Variants in ASIC2 observed in about 807,000 individuals in gnomAD.
The protein encoded by ASIC2 is acid sensing ion channel subunit 2.
ASIC2 carries 25 observed loss-of-function variants against 57.3 expected under a neutral mutation model. The observed-to-expected ratio is 0.44, with a 90% CI of 0.32 to 0.61. The LOEUF (loss-of-function observed/expected upper bound fraction) is 0.61, where lower values mean the gene tolerates loss of function less well. Among genes scored for constraint, ASIC2 ranks in the 20% least tolerant of loss-of-function variants. ASIC2 has a pLI of 0.06. For missense variants in ASIC2, 641 were observed against 738.1 expected, an observed-to-expected ratio of 0.87 and a Z score of 1.52; for synonymous variants, 319 against 307.5, an observed-to-expected ratio of 1.04 and a Z score of -0.39.
chr17:33,212,061 C>A (rs1191742082), intron 1 of ASIC2, among the ~76,000 whole-genome samples: 1 of 152,162 alleles, frequency 6.6e-6, no homozygotes, highest in Non-Finnish European at 1.5e-5. Flanking sequence ...AGCGCCAGAG[C>A]TAGGATGGGA....
At chr17:34,093,539 C>A (rs74773243) in intron 1 of ASIC2, among the ~76,000 whole-genome samples, 2,409 of 152,304 alleles carry the variant, frequency 0.016, 65 homozygotes, top group East Asian at 0.059. Flanking sequence ...AGAATCGGGA[C>A]TGACTTATTT....
chr17:33,900,020 C>G (rs1005129178), intron 1 of ASIC2, among the ~76,000 whole-genome samples: 5 of 152,186 alleles, frequency 3.3e-5, no homozygotes, highest in African/African-American at 1.2e-4. Flanking sequence ...CTAATTACTT[C>G]CTTGTAACAT....
intron 1 of ASIC2, among the ~76,000 whole-genome samples, chr17:34,045,530 A>G (rs895244395): frequency 1.3e-4 from 20 of 152,180 alleles, no homozygotes; most frequent in Admixed American, 6.5e-5. Context: ...CCACTGACCA[A>G]GGCCTCAGGA....
intron 1 of ASIC2, among the ~76,000 whole-genome samples, chr17:33,875,438 G>T (rs1389970152): frequency 6.6e-6 from 1 of 151,622 alleles, no homozygotes; most frequent in Non-Finnish European, 1.5e-5. Flanking sequence ...CTCAAAGTGA[G>T]AGAACTCTCA....
intron 1 of ASIC2, among the ~76,000 whole-genome samples, chr17:33,282,523 G>A (rs571246547): frequency 6.6e-6 from 1 of 152,028 alleles, no homozygotes; most frequent in African/African-American, 2.4e-5. Context: ...TGTCCAGGCT[G>A]GAGTGTAGTG....
intron 1 of ASIC2, among the ~76,000 whole-genome samples, chr17:33,636,879 C>A (rs72827245): frequency 0.26 from 38,568 of 149,678 alleles, 5,315 homozygotes; most frequent in East Asian, 0.41. Context: ...GCACACACAC[C>A]CACACACACA....
Position 33,014,119 on chromosome 17 carries a change from A to G in ASIC2, c.1591-53T>C, listed in dbSNP as rs2141888526. The G allele has an allele frequency of 2.8e-6, 4 of 1,423,732 alleles. No individual in the cohort carries two copies. The South Asian group carries it at 4.9e-5, about 17-fold the overall frequency. 88.2% of individuals were successfully genotyped at this position (1,423,732 alleles called of 1,614,324 possible). A position where few individuals can be genotyped will look rare whatever the true frequency, so the allele number is the denominator to read the frequency against. On this transcript the variant is annotated intron_variant, in intron 9 of 9. Transcript: ENST00000225823. ...ATTATTCGCTCAGCAAAAATTCTTC[A>G]TGATGCCACCAGCGGCCCAGCCTAG...
intron 1 of ASIC2, among the ~76,000 whole-genome samples, chr17:33,134,533 TCCTC>T (rs1411187105): frequency 6.6e-6 from 1 of 152,254 alleles, no homozygotes; most frequent in Non-Finnish European, 1.5e-5. Flanking sequence ...GATTTAAAGT[TCCTC>T]AGAGCCTGTT....
At chr17:33,591,245 T>G (rs138739780) in intron 1 of ASIC2, among the ~76,000 whole-genome samples, 1 of 152,254 alleles carries the variant, frequency 6.6e-6, no homozygotes, top group East Asian at 1.9e-4. Flanking sequence ...CTGTCTGACA[T>G]GGTATATGAT....
intron 1 of ASIC2, among the ~76,000 whole-genome samples, chr17:33,222,968 C>T (rs369103660): frequency 1.3e-4 from 19 of 151,946 alleles, no homozygotes; most frequent in African/African-American, 4.1e-4. Context: ...TACCAGGTAG[C>T]CTTGTTCTCA....
intron 1 of ASIC2, among the ~76,000 whole-genome samples, chr17:33,420,809 C>T (rs1010837857): frequency 2.0e-5 from 3 of 152,012 alleles, no homozygotes; most frequent in East Asian, 3.9e-4. Context: ...TCCTTTAAGC[C>T]CAAAAGAGCT....
chr17:33,684,238 T>G (rs1177673613), intron 1 of ASIC2, among the ~76,000 whole-genome samples: 1 of 152,126 alleles, frequency 6.6e-6, no homozygotes, highest in African/African-American at 2.4e-5. Flanking sequence ...CTCCTGAAAA[T>G]GCAGGAATGT....
intron 1 of ASIC2, among the ~76,000 whole-genome samples, chr17:33,425,355 G>A (rs1272589780): frequency 6.6e-6 from 1 of 152,252 alleles, no homozygotes; most frequent in Non-Finnish European, 1.5e-5. Context: ...GCCAAAGCCA[G>A]TGATCTTTCT....
chr17:33,179,719 G>C (rs778327652), intron 1 of ASIC2, among the ~76,000 whole-genome samples: 32 of 152,188 alleles, frequency 2.1e-4, no homozygotes, highest in Non-Finnish European at 3.7e-4. Context: ...ACTTGTACCA[G>C]GTTCTGCAGC....
rs1486556445 is a variant in ASIC2, at chr17:33,897,851, AG to A, written c.555+258126del. Among the ~76,000 whole-genome samples, 4 of 152,212 alleles carry A rather than the reference AG, an allele frequency of 2.6e-5. No individual in the cohort carries two copies. In the East Asian group the frequency reaches 7.7e-4, roughly 29 times the overall value. On this transcript the variant is annotated intron_variant, in intron 1 of 9. Coordinates refer to the ASIC2 transcript ENST00000359872. ...AATGATTATTGCAACTGTGAAAACA[AG>A]TCTAAGAGTGAGGATAAAAAGTTGG...
At chr17:33,250,953 G>A (rs1424868501) in intron 1 of ASIC2, among the ~76,000 whole-genome samples, 2 of 152,206 alleles carry the variant, frequency 1.3e-5, no homozygotes, top group African/African-American at 2.4e-5. Flanking sequence ...ATATTTATGT[G>A]TATACTTTAT....
intron 1 of ASIC2, among the ~76,000 whole-genome samples, chr17:33,172,636 T>A (rs1023655450): frequency 7.9e-5 from 12 of 152,218 alleles, no homozygotes; most frequent in African/African-American, 2.9e-4. Flanking sequence ...TTTTCTCCCA[T>A]GCACGGAACT....
intron 1 of ASIC2, among the ~76,000 whole-genome samples, chr17:33,768,175 AT>A (rs540546159): frequency 6.7e-6 from 1 of 149,508 alleles, no homozygotes; most frequent in Non-Finnish European, 1.5e-5. Context: ...CGCCCTGCTA[AT>A]TTTTTTGTGT....
chr17:33,985,540 A>G (rs979093214), intron 1 of ASIC2, among the ~76,000 whole-genome samples: 3 of 152,240 alleles, frequency 2.0e-5, no homozygotes, highest in East Asian at 3.8e-4. Context: ...AAGGGAAAAG[A>G]AAAGATTCCA....
Sources: gnomAD v4.1 joint callset for allele counts (sites outside exome capture counted in the v4.1 genomes callset) on GRCh38, gnomAD v4.1.1 for gene constraint, MANE v1.5 for transcripts, NCBI Gene and HGNC (gene_info 2026-07-23, HGNC 2026-07-21) for gene names.